Variants in SPTLC3 observed in about 807,000 individuals in gnomAD.
SPTLC3 encodes serine palmitoyltransferase long chain base subunit 3.
In SPTLC3, 36 loss-of-function variants were observed where a neutral mutation model predicts 59.3. The ratio of observed to expected loss-of-function variants is 0.61; its 90% CI spans 0.47 to 0.80. SPTLC3 has a LOEUF of 0.80. SPTLC3 is among the 30% of genes least tolerant of loss of function. The pLI is 0.00. For missense variants in SPTLC3, 625 were observed against 685.1 expected, an observed-to-expected ratio of 0.91 and a Z score of 0.98; for synonymous variants, 257 against 240.8, an observed-to-expected ratio of 1.07 and a Z score of -0.62.
intron 4 of SPTLC3, among the ~76,000 whole-genome samples, chr20:13,075,069 T>C (rs1988592925): frequency 6.6e-6 from 1 of 152,044 alleles, no homozygotes; most frequent in Admixed American, 6.5e-5. Flanking sequence ...AATGCAAGCT[T>C]GTTCTTATAG....
At chr20:13,073,981 T>C in intron 3 of SPTLC3, 1 of 604,952 alleles carries the variant, frequency 1.7e-6, no homozygotes, top group Non-Finnish European at 3.3e-6. Flanking sequence ...TGGTATATCC[T>C]GATGACCAAT....
At chr20:13,164,443 C>T (rs2038957591) in intron 11 of SPTLC3, 1 of 497,770 alleles carries the variant, frequency 2.0e-6, no homozygotes, top group South Asian at 1.6e-5. Flanking sequence ...TAAGTCACTA[C>T]ATTTTAAAAT....
At chr20:13,073,820 C>T (rs1216776710) in intron 3 of SPTLC3, 3 of 592,644 alleles carry the variant, frequency 5.1e-6, no homozygotes, top group African/African-American at 3.7e-5. Flanking sequence ...TTGGCCCCAA[C>T]TCAGTTTGGG....
At chr20:13,116,119 A>G (rs1311262674) in intron 7 of SPTLC3, among the ~76,000 whole-genome samples, 5 of 152,218 alleles carry the variant, frequency 3.3e-5, no homozygotes, top group African/African-American at 1.2e-4. Flanking sequence ...GCACCCAGTG[A>G]TCATGATACT....
chr20:13,130,392 TG>T (rs1443453158), intron 9 of SPTLC3, among the ~76,000 whole-genome samples: 1 of 151,934 alleles, frequency 6.6e-6, no homozygotes, highest in Admixed American at 6.6e-5. Context: ...TTCAAGGCTT[TG>T]TTTCAGGTTG....
Position 13,137,779 on chromosome 20 carries a change from G to A in SPTLC3, c.1279+11062G>A, listed in dbSNP as rs189339295. ...CTACAAAATTAAAGAAAGCAATCCA[G>A]GCCTTCCGTGATTTCCCAGAGACTT... On this transcript the variant is annotated intron_variant, in intron 9 of 11. Transcript: ENST00000399002. 7.9e-5 allele frequency among the ~76,000 whole-genome samples: 12 copies of A among 152,296 alleles called. No homozygotes were observed. The East Asian group carries it at 1.7e-3, about 22-fold the overall frequency.
rs562951331 is a variant in SPTLC3 at position 13,128,559 on chromosome 20, C to T, written c.1279+1842C>T. 2.7e-4 allele frequency among the ~76,000 whole-genome samples: 41 copies of T among 152,236 alleles called. No individual in the cohort carries two copies. In the East Asian group the frequency reaches 5.6e-3, roughly 21 times the overall value. ...CCTAGAGGTGACTCTTATCACCTTG[C>T]TTACAATTATTGGCTAAAACTAGTC... On this transcript the variant is annotated intron_variant, in intron 9 of 11. Coordinates refer to ENST00000399002, the MANE Select transcript of SPTLC3 (RefSeq NM_018327.4).
chr20:13,139,653 A>G (rs1344148586), intron 9 of SPTLC3, among the ~76,000 whole-genome samples: 2 of 152,216 alleles, frequency 1.3e-5, no homozygotes, highest in African/African-American at 4.8e-5. Context: ...GCCTAACCAC[A>G]AAGGAACCTG....
chr20:13,096,460 C>CA (rs1183934411), intron 6 of SPTLC3, among the ~76,000 whole-genome samples: 12 of 147,268 alleles, frequency 8.1e-5, no homozygotes, highest in African/African-American at 3.0e-4. Context: ...AAAAAAGCAA[C>CA]AAGCTACTGC....
At chr20:13,026,921 A>T (rs2122412866) in intron 1 of SPTLC3, among the ~76,000 whole-genome samples, 1 of 152,308 alleles carries the variant, frequency 6.6e-6, no homozygotes, top group South Asian at 2.1e-4. Context: ...CCCTAGAAGC[A>T]GTGCTCAACC....
chr20:13,117,267 T>C (rs1990612373), intron 7 of SPTLC3, among the ~76,000 whole-genome samples: 1 of 152,208 alleles, frequency 6.6e-6, no homozygotes, highest in Admixed American at 6.5e-5. Flanking sequence ...TGCTTGAGAA[T>C]TAGCTGAAAC....
At chr20:13,047,494 A>G (rs1987281407) in intron 1 of SPTLC3, among the ~76,000 whole-genome samples, 1 of 152,162 alleles carries the variant, frequency 6.6e-6, no homozygotes, top group African/African-American at 2.4e-5. Context: ...TATTCAAAAC[A>G]TTTTTTGTGT....
rs548122908 is a variant in SPTLC3, at chr20:13,040,682, CT to C, written c.118-8251del. ...TCATAATCACCTTTGCCTGTGCCCC[CT>C]TTTTTTTTTTTGGTTGGATTTGAAT... On this transcript the variant is annotated intron_variant, in intron 1 of 11. Transcript: ENST00000399002. 2.5e-3 allele frequency among the ~76,000 whole-genome samples: 362 copies of C among 144,996 alleles called. 1 individual carries two copies. The highest frequency in any genetic ancestry group is 2.9e-3 in the Admixed American group (42 of 14,512).
At chr20:13,048,304 G>T (rs1987320584) in intron 1 of SPTLC3, among the ~76,000 whole-genome samples, 1 of 152,140 alleles carries the variant, frequency 6.6e-6, no homozygotes, top group African/African-American at 2.4e-5. Context: ...TTTGATGAAG[G>T]AACACACACT....
chr20:13,144,418 T>C (rs1405805938), intron 9 of SPTLC3, among the ~76,000 whole-genome samples: 2 of 152,170 alleles, frequency 1.3e-5, no homozygotes, highest in Non-Finnish European at 2.9e-5. Context: ...GAGAAATAGA[T>C]GTAGTAGCTA....
At chr20:13,093,690 A>G in intron 6 of SPTLC3, 113 bp downstream of exon 6, 2 of 893,364 alleles carry the variant, frequency 2.2e-6, no homozygotes, top group Non-Finnish European at 3.4e-6. Flanking sequence ...CTCATGAAAC[A>G]CAATTATGTT....
rs1306451757 is a variant in SPTLC3 at position 13,126,599 on chromosome 20, G to C, written c.1161G>C (p.Val387=). The change falls in exon 9 of 12, where the codon GTG becomes GTC. Residue 387 remains valine (V), a synonymous_variant. Transcript: ENST00000399002. ...TCCCCTCTTTATTTAAGGACCTCGT[G>C]GATTATTTACGGGTTCACTCGCATA... ...GGYIAGRKDL[V]DYLRVHSHSA... 4.3e-6 allele frequency: 7 copies of C among 1,613,170 alleles called. No homozygotes were observed. Among genetic ancestry groups the C allele is most frequent in the Non-Finnish European group, 4.2e-6 (5 of 1,179,718 alleles).
At chr20:13,076,980 T>C (rs999552081) in intron 4 of SPTLC3, among the ~76,000 whole-genome samples, 2 of 152,152 alleles carry the variant, frequency 1.3e-5, no homozygotes, top group Non-Finnish European at 2.9e-5. Flanking sequence ...TGTACAGAAG[T>C]GCAAAGGCTA....
intron 2 of SPTLC3, among the ~76,000 whole-genome samples, chr20:13,056,457 C>CT (rs34095082): frequency 3.2e-4 from 11 of 34,350 alleles, no homozygotes; most frequent in African/African-American, 2.0e-3. Context: ...AACTTTTTTT[C>CT]TTTTTTTTTT....
Sources: gnomAD v4.1 joint callset for allele counts (sites outside exome capture counted in the v4.1 genomes callset) on GRCh38, gnomAD v4.1.1 for gene constraint, MANE v1.5 for transcripts, NCBI Gene and HGNC (gene_info 2026-07-23, HGNC 2026-07-21) for gene names.